The following PLCG2 variants were observed in gnomAD, a reference collection of about 807,000 sequenced individuals.
PLCG2 encodes the protein phospholipase C gamma 2.
PLCG2 carries 69 observed loss-of-function variants against 175.6 expected under a neutral mutation model. The observed-to-expected ratio is 0.39, with a 90% CI of 0.32 to 0.48. The LOEUF (loss-of-function observed/expected upper bound fraction) is 0.48, where lower values mean the gene tolerates loss of function less well. PLCG2 is among the 20% of genes least tolerant of loss of function. The pLI is 0.91. For missense variants in PLCG2, 1,798 were observed against 1,650.9 expected (o/e 1.09, Z -1.54); for synonymous variants, 827 against 624.0 (o/e 1.33, Z -4.85).
At chr16:81,822,807 T>TAGAA (rs1293693013) in intron 2 of PLCG2, among the ~76,000 whole-genome samples, 1 of 134,072 alleles carries the variant, frequency 7.5e-6, no homozygotes, top group East Asian at 2.2e-4. Context: ...TCAGAGTGAG[T>TAGAA]AGAAGACAAT....
At chr16:81,777,985 C>G (rs1910481144), upstream of PLCG2, among the ~76,000 whole-genome samples, 2 of 132,088 alleles carry the variant, frequency 1.5e-5, no homozygotes, top group African/African-American at 5.8e-5. Context: ...CCACTGCACT[C>G]CAGCCTGGGC....
At chr16:81,797,880 A>T (rs1269821617) in intron 2 of PLCG2, among the ~76,000 whole-genome samples, 1 of 150,910 alleles carries the variant, frequency 6.6e-6, no homozygotes, top group Non-Finnish European at 1.5e-5. Flanking sequence ...CCCCAGGCTG[A>T]AGTGCAGCGG....
chr16:81,754,359 T>C (rs1371519023), intron 1 of PLCG2, among the ~76,000 whole-genome samples: 1 of 23,486 alleles, frequency 4.3e-5, no homozygotes, highest in Non-Finnish European at 7.7e-5. Flanking sequence ...CCTCCTCCCC[T>C]CCCCTCCCCA....
intron 15 of PLCG2, 99 bp from the exon 16 acceptor site, chr16:81,907,586 C>T: frequency 1.5e-6 from 1 of 664,046 alleles, no homozygotes; most frequent in Non-Finnish European, 2.7e-6. Context: ...AAAAGCACAT[C>T]CATAGTAGAT....
chr16:81,850,635 C>T (rs192742782), intron 2 of PLCG2, among the ~76,000 whole-genome samples: 3 of 152,162 alleles, frequency 2.0e-5, no homozygotes, highest in East Asian at 1.9e-4. Flanking sequence ...CCTGGCTCCC[C>T]GAAGACAGTC....
At chr16:81,848,987 CCAA>C (rs1906263072) in intron 2 of PLCG2, among the ~76,000 whole-genome samples, 1 of 152,080 alleles carries the variant, frequency 6.6e-6, no homozygotes, top group Non-Finnish European at 1.5e-5. Context: ...TTCAGTGGTG[CCAA>C]CAACACCACT....
At chr16:81,925,209 G>A (rs1160800006) in intron 22 of PLCG2, among the ~76,000 whole-genome samples, 3 of 152,202 alleles carry the variant, frequency 2.0e-5, no homozygotes, top group East Asian at 1.9e-4. Flanking sequence ...ACCGCCCAGC[G>A]GCTGTGGTCA....
At chr16:81,930,323 T>C (rs1910447363) in intron 24 of PLCG2, among the ~76,000 whole-genome samples, 1 of 152,188 alleles carries the variant, frequency 6.6e-6, no homozygotes, top group Admixed American at 6.5e-5. Flanking sequence ...CCTTTCTCTG[T>C]GTCTGGAGAA....
chr16:81,847,806 T>C (rs1488889682), intron 2 of PLCG2, among the ~76,000 whole-genome samples: 4 of 152,224 alleles, frequency 2.6e-5, no homozygotes, highest in East Asian at 1.9e-4. Flanking sequence ...TTAAGGTATA[T>C]GGAGGGATGT....
At chr16:81,897,844 C>T (rs1480607093) in intron 13 of PLCG2, 1 of 455,702 alleles carries the variant, frequency 2.2e-6, no homozygotes, top group Non-Finnish European at 4.4e-6. Flanking sequence ...CGTGCCCAAC[C>T]CGATTGGTTA....
At chr16:81,816,400 T>G (rs1237347762) in intron 2 of PLCG2, among the ~76,000 whole-genome samples, 1 of 152,000 alleles carries the variant, frequency 6.6e-6, no homozygotes, top group Non-Finnish European at 1.5e-5. Flanking sequence ...CTTCAGATAC[T>G]GAACTATCTG....
intron 12 of PLCG2, chr16:81,895,559 T>TA (rs775242910): frequency 0.04 from 14,405 of 357,886 alleles, 14 homozygotes; most frequent in East Asian, 0.06. Flanking sequence ...GACTCTGTCT[T>TA]AAAAAAAAAA....
intron 5 of PLCG2, among the ~76,000 whole-genome samples, chr16:81,861,511 C>G (rs1329760614): frequency 1.3e-5 from 2 of 152,224 alleles, no homozygotes; most frequent in Admixed American, 1.3e-4. Context: ...TTCTGTCCAC[C>G]TGCCTTTCTC....
chr16:81,749,015 T>C (rs1909756195), intron 1 of PLCG2, among the ~76,000 whole-genome samples: 1 of 152,054 alleles, frequency 6.6e-6, no homozygotes, highest in African/African-American at 2.4e-5. Flanking sequence ...GGGTGGAAGA[T>C]GTGGGTGAGG....
Position 81,959,895 on chromosome 16 carries a change from T to C in PLCG2, c.*1897T>C, listed in dbSNP as rs1350920050. The stretch of plus-strand genomic sequence containing the variant: ...CTCCTTTCAGCTCCTCACTTCATTC[T>C]ACTTTAAAGCCACAGTGCTAAGGCC... On this transcript the variant is annotated 3_prime_UTR_variant, in exon 33 of 33. Transcript: ENST00000564138. 2 of 191,618 alleles carry C rather than the reference T, an allele frequency of 1.0e-5. No individual in the cohort carries two copies. Among genetic ancestry groups the C allele is most frequent in the African/African-American group, 4.7e-5 (2 of 42,952 alleles). The allele number at this position is 191,618 out of a possible 1,614,324, so 11.9% of individuals were successfully genotyped here.
chr16:81,776,249 T>C (rs572286238), upstream of PLCG2, among the ~76,000 whole-genome samples: 2 of 150,294 alleles, frequency 1.3e-5, no homozygotes, highest in South Asian at 2.1e-4. Flanking sequence ...GGTGGGATTA[T>C]AGGCACCCAC....
intron 2 of PLCG2, among the ~76,000 whole-genome samples, chr16:81,812,642 A>C (rs973731024): frequency 5.9e-5 from 9 of 152,064 alleles, no homozygotes; most frequent in African/African-American, 2.2e-4. Context: ...TTGCCTGCTC[A>C]CTCTGATGAT....
At chr16:81,831,425 G>A in intron 2 of PLCG2, among the ~76,000 whole-genome samples, 1 of 152,202 alleles carries the variant, frequency 6.6e-6, no homozygotes, top group East Asian at 1.9e-4. Flanking sequence ...GCCAGGCACT[G>A]CACTAAGCAC....
chr16:81,957,701 T>G (rs1911630949), intron 32 of PLCG2, among the ~76,000 whole-genome samples: 1 of 152,116 alleles, frequency 6.6e-6, no homozygotes, highest in African/African-American at 2.4e-5. Context: ...CTGCCTCCCT[T>G]ACTCACATTA....
Sources: allele counts gnomAD v4.1 joint callset (sites outside exome capture counted in the v4.1 genomes callset), GRCh38; gene constraint gnomAD v4.1.1; transcripts MANE v1.5; gene names NCBI Gene and HGNC (gene_info 2026-07-23, HGNC 2026-07-21).